ZFP90: variants seen among roughly 807,000 people sequenced by gnomAD.
ZFP90 encodes the protein ZFP90 zinc finger protein, also known as zinc finger protein 90 homolog.
In ZFP90, 38 loss-of-function variants were observed where a neutral mutation model predicts 60.8. The ratio of observed to expected loss-of-function variants is 0.62; its 90% confidence interval spans 0.48 to 0.82. ZFP90 has a LOEUF of 0.82. ZFP90 is among the 40% of genes least tolerant of loss of function. The pLI is 0.00. For missense variants in ZFP90, 711 were observed against 759.1 expected, an observed-to-expected ratio of 0.94 and a Z score of 0.74; for synonymous variants, 287 against 264.8, an observed-to-expected ratio of 1.08 and a Z score of -0.82.
chr16:68,575,828 G>A (rs2091591667), exon 3 of ZFP90: 1 of 398,382 alleles, frequency 2.5e-6, no homozygotes, highest in Non-Finnish European at 4.4e-6. Context: ...TACCATCTGG[G>A]AGTAAGGGCG....
upstream of ZFP90, chr16:68,539,087 A>G (rs1386947916): frequency 6.6e-6 from 1 of 152,232 alleles, no homozygotes; most frequent in African/African-American, 2.4e-5. Context: ...GCCCCTTGCA[A>G]AGAGGAGGCG....
At chr16:68,574,460 T>C (rs1049797028) in intron 2 of ZFP90, among the ~76,000 whole-genome samples, 2 of 146,650 alleles carry the variant, frequency 1.4e-5, no homozygotes, top group African/African-American at 5.1e-5. Flanking sequence ...GGCCTGAATT[T>C]CCCACAGAAA....
rs796656950 is a variant in ZFP90 at position 68,566,673 on chromosome 16, G to A, written c.*1975G>A. On this transcript the variant is annotated 3_prime_UTR_variant, in exon 5 of 5. Coordinates refer to ENST00000563169, the MANE Select transcript of ZFP90 (RefSeq NM_001305203.2). Reference sequence around the variant, plus strand: ...TGATTAGCTCACACACAATGCCAAGGCTGTGCTTCTATTATCTGATACATA... The same window carrying A: ...TGATTAGCTCACACACAATGCCAAGACTGTGCTTCTATTATCTGATACATA... 9.1e-6 allele frequency: 9 copies of A among 985,510 alleles called. No homozygotes were observed. In the South Asian group the frequency reaches 1.4e-4, roughly 15 times the overall value. 61.0% of individuals were successfully genotyped at this position (985,510 alleles called of 1,614,324 possible).
downstream of ZFP90, among the ~76,000 whole-genome samples, chr16:68,567,890 G>T (rs2091546778): frequency 3.3e-5 from 5 of 152,158 alleles, no homozygotes; most frequent in Admixed American, 1.3e-4. Flanking sequence ...GTGATGCTTG[G>T]TTTTTTTAAT....
chr16:68,559,346 T>C (rs1229012353), intron 4 of ZFP90, among the ~76,000 whole-genome samples: 1 of 152,180 alleles, frequency 6.6e-6, no homozygotes, highest in Non-Finnish European at 1.5e-5. Context: ...CCGTCACCTT[T>C]CATCCCCCAC....
At chr16:68,535,673 AAG>A (rs1417378903), upstream of ZFP90, 1 of 151,182 alleles carries the variant, frequency 6.6e-6, no homozygotes, top group African/African-American at 2.4e-5. Flanking sequence ...AATAAAAAAA[AAG>A]AAAAACAAAG....
intron 2 of ZFP90, among the ~76,000 whole-genome samples, chr16:68,549,678 C>CAAAAAAAAAAA (rs35335958): frequency 1.6e-5 from 1 of 62,924 alleles, no homozygotes; most frequent in African/African-American, 7.6e-5. Context: ...GACTCCATCT[C>CAAAAAAAAAAA]AAAAAAAAAA....
chr16:68,570,040 G>T (rs1442439074), downstream of ZFP90, among the ~76,000 whole-genome samples: 1 of 83,122 alleles, frequency 1.2e-5, no homozygotes, highest in Non-Finnish European at 2.3e-5. Context: ...AATTATATGT[G>T]TGTGTGTATA....
upstream of ZFP90, among the ~76,000 whole-genome samples, chr16:68,534,684 T>C (rs986921664): frequency 1.3e-5 from 2 of 151,130 alleles, no homozygotes; most frequent in African/African-American, 4.9e-5. Flanking sequence ...GGTGGGTGGA[T>C]CACGAGGTCA....
At chr16:68,567,658 T>C (rs979950956), downstream of ZFP90, among the ~76,000 whole-genome samples, 1 of 152,238 alleles carries the variant, frequency 6.6e-6, no homozygotes, top group Admixed American at 6.5e-5. Flanking sequence ...TATTTCCTGA[T>C]GTCCTTAGAC....
Position 68,566,936 on chromosome 16 carries a change from A to G in ZFP90, c.*2238A>G. ...TTTGGTGCTTGGCCTAGATCCAGCC[A>G]CCACTCTGAAACTCAGCACATCTTC... On this transcript the variant is annotated 3_prime_UTR_variant, in exon 5 of 5. Transcript: ENST00000563169. The G allele has an allele frequency of 1.0e-6, 1 of 985,624 alleles. No individual in the cohort carries two copies. Among genetic ancestry groups the G allele is most frequent in the Non-Finnish European group, 1.2e-6 (1 of 829,964 alleles). 61.1% of individuals were successfully genotyped at this position (985,624 alleles called of 1,614,324 possible). A position where few individuals can be genotyped will look rare whatever the true frequency, so the allele number is the denominator to read the frequency against.
Position 68,566,986 on chromosome 16 carries a change from A to T in ZFP90, c.*2288A>T, listed in dbSNP as rs912068780. ...CATTGACAGGGAGGGAGCCCAGGACATATGTGTGGCTCATTGACCAGAAGG... is the reference window on the plus strand; with the variant it reads ...CATTGACAGGGAGGGAGCCCAGGACTTATGTGTGGCTCATTGACCAGAAGG... On this transcript the variant is annotated 3_prime_UTR_variant, in exon 5 of 5. Transcript: ENST00000563169. The T allele has an allele frequency of 1.0e-6, 1 of 985,518 alleles. No homozygotes were observed. The highest frequency in any genetic ancestry group is 1.2e-6 in the Non-Finnish European group (1 of 829,982). 61.0% of individuals were successfully genotyped at this position (985,518 alleles called of 1,614,324 possible).
intron 2 of ZFP90, 125 bp from the exon 3 acceptor site, chr16:68,557,873 C>A: frequency 7.7e-7 from 1 of 1,302,620 alleles, no homozygotes; most frequent in Non-Finnish European, 1.1e-6. Flanking sequence ...TGTAACCCAA[C>A]ATTGCCTCCT....
At chr16:68,569,974 T>C (rs2152078178), downstream of ZFP90, among the ~76,000 whole-genome samples, 1 of 152,222 alleles carries the variant, frequency 6.6e-6, no homozygotes, top group African/African-American at 2.4e-5. Context: ...TTTATTTTTT[T>C]TTTCGTCTAC....
upstream of ZFP90, among the ~76,000 whole-genome samples, chr16:68,537,567 A>G (rs1330905903): frequency 2.0e-5 from 3 of 152,020 alleles, no homozygotes; most frequent in East Asian, 1.9e-4. Flanking sequence ...GCATTCATTA[A>G]TTTTTATATA....
upstream of ZFP90, among the ~76,000 whole-genome samples, chr16:68,537,964 G>A (rs1033803027): frequency 9.2e-5 from 14 of 151,912 alleles, no homozygotes; most frequent in African/African-American, 3.4e-4. Flanking sequence ...CCAGGTTGGA[G>A]TGCAATGGTG....
downstream of ZFP90, among the ~76,000 whole-genome samples, chr16:68,568,294 C>T (rs2091549391): frequency 6.6e-6 from 1 of 152,098 alleles, no homozygotes; most frequent in South Asian, 2.1e-4. Flanking sequence ...GATTGCTAGA[C>T]AAAGAAGACT....
At chr16:68,576,317 G>T (rs1270124965), downstream of ZFP90, among the ~76,000 whole-genome samples, 1 of 152,134 alleles carries the variant, frequency 6.6e-6, no homozygotes, top group Non-Finnish European at 1.5e-5. Context: ...TTCCCCAGGG[G>T]TATCACTTGA....
At chr16:68,548,078 C>T (rs1212387467) in intron 2 of ZFP90, among the ~76,000 whole-genome samples, 1 of 152,104 alleles carries the variant, frequency 6.6e-6, no homozygotes, top group Non-Finnish European at 1.5e-5. Flanking sequence ...CCACCTGCCT[C>T]AGCCTCCCAA....
Sources: allele counts gnomAD v4.1 joint callset (sites outside exome capture counted in the v4.1 genomes callset), GRCh38; gene constraint gnomAD v4.1.1; transcripts MANE v1.5; gene names NCBI Gene and HGNC (gene_info 2026-07-23, HGNC 2026-07-21).